Variants in BCL11A observed in about 807,000 individuals in gnomAD.
BCL11A encodes BCL11 transcription factor A.
Under a neutral mutation model 55.9 loss-of-function variants are expected in BCL11A, and 2 were observed. That is an observed-to-expected ratio of 0.04 (90% CI 0.01 to 0.11). The LOEUF (loss-of-function observed/expected upper bound fraction) is 0.11, where lower values mean the gene tolerates loss of function less well. Among genes scored for constraint, BCL11A ranks in the 10% least tolerant of loss-of-function variants. The probability of loss-of-function intolerance (pLI) is 1.00; values close to 1 mark genes in which losing one functional copy is unlikely to be tolerated. For synonymous variants in BCL11A, 465 were observed against 473.4 expected (o/e 0.98, Z 0.23); for missense variants, 817 against 1,137.1 (o/e 0.72, Z 4.05).
intron 2 of BCL11A, among the ~76,000 whole-genome samples, chr2:60,498,591 GT>G (rs1253868598): frequency 6.6e-6 from 1 of 152,202 alleles, no homozygotes; most frequent in Admixed American, 6.5e-5. Context: ...ACCTGCATTT[GT>G]TTTTCAAATT....
At chr2:60,522,334 T>C (rs544792474) in intron 2 of BCL11A, 1 of 152,326 alleles carries the variant, frequency 6.6e-6, no homozygotes, top group South Asian at 2.1e-4. Context: ...AGGAACTCGT[T>C]TTTTTTCTTT....
At chr2:60,520,663 A>G (rs1668937916) in intron 2 of BCL11A, among the ~76,000 whole-genome samples, 1 of 152,178 alleles carries the variant, frequency 6.6e-6, no homozygotes, top group Non-Finnish European at 1.5e-5. Flanking sequence ...AGGCACAACC[A>G]CAGAAGCACC....
intron 2 of BCL11A, among the ~76,000 whole-genome samples, chr2:60,512,433 A>G (rs907130229): frequency 6.6e-6 from 1 of 152,064 alleles, no homozygotes; most frequent in Non-Finnish European, 1.5e-5. Context: ...GTCTCCTTCT[A>G]CCTGCCCCTG....
In BCL11A at chr2:60,457,597, A is replaced by G. The variant is rs1369903718; in HGVS notation, c.*2807T>C. 7.7e-6 allele frequency: 8 copies of G among 1,045,242 alleles called. No individual in the cohort carries two copies. Among genetic ancestry groups the G allele is most frequent in the Non-Finnish European group, 9.2e-6 (8 of 866,612 alleles). 64.7% of individuals were successfully genotyped at this position (1,045,242 alleles called of 1,614,324 possible). A position where few individuals can be genotyped will look rare whatever the true frequency, so the allele number is the denominator to read the frequency against. On this transcript the variant is annotated 3_prime_UTR_variant, in exon 4 of 4. Coordinates refer to ENST00000642384, the MANE Select transcript of BCL11A (RefSeq NM_022893.4). ...GGGCTTTCTCTTTAATATGCTTTGC[A>G]TATGAAATTCTTTCCAATCTAAATA...
chr2:60,487,019 T>G (rs1044029451), intron 2 of BCL11A, among the ~76,000 whole-genome samples: 3 of 152,254 alleles, frequency 2.0e-5, no homozygotes, highest in Non-Finnish European at 4.4e-5. Context: ...TGCCCCTCCT[T>G]TAAGTCTAAC....
At chr2:60,553,182 T>C (rs771261699) in intron 1 of BCL11A, 34 bp downstream of exon 1, 3 of 1,579,850 alleles carry the variant, frequency 1.9e-6, no homozygotes, top group Non-Finnish European at 1.7e-6. Flanking sequence ...TCGTGATTAT[T>C]AATAATTATT....
intron 2 of BCL11A, among the ~76,000 whole-genome samples, chr2:60,493,953 C>T (rs1678799085): frequency 6.6e-6 from 1 of 152,178 alleles, no homozygotes; most frequent in Admixed American, 6.5e-5. Context: ...GGGACCAGAG[C>T]TGAGTGGCCT....
chr2:60,523,508 C>A (rs1229396115), intron 2 of BCL11A, among the ~76,000 whole-genome samples: 1 of 152,098 alleles, frequency 6.6e-6, no homozygotes, highest in Non-Finnish European at 1.5e-5. Flanking sequence ...TCCCTTTCTA[C>A]ACACACACAG....
At chr2:60,529,791 C>A (rs1484701791) in intron 2 of BCL11A, among the ~76,000 whole-genome samples, 3 of 152,156 alleles carry the variant, frequency 2.0e-5, no homozygotes, top group Non-Finnish European at 4.4e-5. Context: ...CTTTTCAAGT[C>A]TATGATGGGA....
Position 60,465,655 on chromosome 2 carries a change from G to C in BCL11A, c.487+3077C>G, listed in dbSNP as rs1340250803. On this transcript the variant is annotated intron_variant, in intron 3 of 3. Coordinates refer to ENST00000642384, the MANE Select transcript of BCL11A (RefSeq NM_022893.4). Reference sequence around the variant, plus strand: ...TATTATCCACTAGATTGTAACTCTGGGATAGTCATTTGATTTCTCTGAGTC... The same window carrying C: ...TATTATCCACTAGATTGTAACTCTGCGATAGTCATTTGATTTCTCTGAGTC... 2.0e-5 allele frequency among the ~76,000 whole-genome samples: 3 copies of C among 152,264 alleles called. No homozygotes were observed. The East Asian group carries it at 5.8e-4, about 29-fold the overall frequency.
At chr2:60,488,884 C>T (rs540466029) in intron 2 of BCL11A, among the ~76,000 whole-genome samples, 1 of 152,206 alleles carries the variant, frequency 6.6e-6, no homozygotes, top group African/African-American at 2.4e-5. Context: ...CTCAGCCTCC[C>T]AAGTAGCTGG....
At chr2:60,500,618 C>T (rs2104400320) in intron 2 of BCL11A, among the ~76,000 whole-genome samples, 1 of 152,338 alleles carries the variant, frequency 6.6e-6, no homozygotes, top group Admixed American at 6.5e-5. Context: ...CAGAGCTAGG[C>T]TGGTGGCTGC....
At chr2:60,469,750 G>C (rs576573417) in intron 2 of BCL11A, among the ~76,000 whole-genome samples, 24 of 152,088 alleles carry the variant, frequency 1.6e-4, no homozygotes, top group Non-Finnish European at 2.9e-4. Flanking sequence ...GGGATTTTAC[G>C]GTTTATGTGG....
In BCL11A at chr2:60,457,882, T is replaced by C. The variant is rs1676018902; in HGVS notation, c.*2522A>G. 9.5e-7 allele frequency: 1 copy of C among 1,049,734 alleles called. No individual in the cohort carries two copies. Among genetic ancestry groups the C allele is most frequent in the East Asian group, 5.5e-5 (1 of 18,236 alleles). 65.0% of individuals were successfully genotyped at this position (1,049,734 alleles called of 1,614,324 possible). A position where few individuals can be genotyped will look rare whatever the true frequency, so the allele number is the denominator to read the frequency against. ...CCCTATGACAGCCATCCATGTGACA[T>C]TCTAGCAGGCTCCCCCAAACCGCCA... is the stretch of plus-strand genomic sequence containing the variant. On this transcript the variant is annotated 3_prime_UTR_variant, in exon 4 of 4. Coordinates refer to ENST00000642384, the MANE Select transcript of BCL11A (RefSeq NM_022893.4).
At chr2:60,469,365 G>A (rs994595571) in intron 2 of BCL11A, among the ~76,000 whole-genome samples, 5 of 152,174 alleles carry the variant, frequency 3.3e-5, no homozygotes, top group Admixed American at 2.0e-4. Context: ...CTCTTCCCAT[G>A]CTATATTTAT....
rs1165352404 is a variant in BCL11A, at chr2:60,459,968, C to T, written c.*436G>A. Reference sequence around the variant, plus strand: ...TCTCTCTTTTTCTCTCAGAACGGAACTGGAAACAGCAACATGTTTGCTCAG... The same window carrying T: ...TCTCTCTTTTTCTCTCAGAACGGAATTGGAAACAGCAACATGTTTGCTCAG... On this transcript the variant is annotated 3_prime_UTR_variant, in exon 4 of 4. Coordinates refer to ENST00000642384, the MANE Select transcript of BCL11A (RefSeq NM_022893.4). 10 of 1,065,266 alleles carry T rather than the reference C, an allele frequency of 9.4e-6. No individual in the cohort carries two copies. Among genetic ancestry groups the T allele is most frequent in the Admixed American group, 5.3e-5 (1 of 18,972 alleles). The allele number at this position is 1,065,266 out of a possible 1,614,324, so 66.0% of individuals were successfully genotyped here. A position where few individuals can be genotyped will look rare whatever the true frequency, so the allele number is the denominator to read the frequency against.
At chr2:60,518,325 C>T (rs1170132049) in intron 2 of BCL11A, among the ~76,000 whole-genome samples, 2 of 152,084 alleles carry the variant, frequency 1.3e-5, no homozygotes, top group African/African-American at 4.8e-5. Context: ...TTAGACCTAC[C>T]GTTCCATACC....
Position 60,461,287 on chromosome 2 carries a change from G to A in BCL11A, c.1625C>T (p.Ala542Val), listed in dbSNP as rs1010158797. 12 of 1,604,106 alleles carry A rather than the reference G, an allele frequency of 7.5e-6. No individual in the cohort carries two copies. Among genetic ancestry groups the A allele is most frequent in the South Asian group, 1.1e-5 (1 of 90,950 alleles). The change falls in exon 4 of 4, where the codon GCC (alanine) becomes GTC (valine). Residue 542 changes from alanine (A) to valine (V), a missense_variant. Around this residue, in one of 4 missense-constraint regions of BCL11A, gnomAD observed 379 missense variants for 425.3 expected, o/e 0.89. Coordinates refer to ENST00000642384, the MANE Select transcript of BCL11A (RefSeq NM_022893.4). The stretch of plus-strand genomic sequence containing the variant: ...CATGCCCTGCATGACGTCGGGCAGG[G>A]CGCGGCTCTCGTCGCCCACGCCCAC... ...AVVGVGDESRALPDVMQGMVL... is the reference protein window; with the variant it reads ...AVVGVGDESRVLPDVMQGMVL...
chr2:60,464,931 G>A (rs537063588), intron 3 of BCL11A, among the ~76,000 whole-genome samples: 1 of 152,090 alleles, frequency 6.6e-6, no homozygotes, highest in Non-Finnish European at 1.5e-5. Flanking sequence ...TTTCACTATC[G>A]CATTTTAGTA....
Sources: allele counts gnomAD v4.1 joint callset (sites outside exome capture counted in the v4.1 genomes callset), GRCh38; gene constraint gnomAD v4.1.1; regional missense constraint gnomAD v4.1.1; transcripts MANE v1.5; gene names NCBI Gene and HGNC (gene_info 2026-07-23, HGNC 2026-07-21).